Variants in LINGO2 observed in about 807,000 individuals in gnomAD.
The protein encoded by LINGO2 is leucine-rich repeat and immunoglobulin-like domain-containing nogo receptor-interacting protein 2.
In LINGO2, 14 loss-of-function variants were observed where a neutral mutation model predicts 30.6. The ratio of observed to expected loss-of-function variants is 0.46; its 90% CI spans 0.30 to 0.72. The LOEUF (loss-of-function observed/expected upper bound fraction) is 0.72, where lower values mean the gene tolerates loss of function less well. Among genes scored for constraint, LINGO2 ranks in the 30% least tolerant of loss-of-function variants. The pLI, the probability that LINGO2 is intolerant of heterozygous loss-of-function variation, is 0.07. For synonymous variants in LINGO2, 317 were observed against 288.5 expected (o/e 1.10, Z -1.00); for missense variants, 729 against 751.7 (o/e 0.97, Z 0.35).
chr9:28,713,433 T>C, the LINGO2 span, among the ~76,000 whole-genome samples: 1 of 152,224 alleles, frequency 6.6e-6, no homozygotes, highest in South Asian at 2.1e-4. Context: ...TCTCTTGCAG[T>C]TAGTTATGAT....
At chr9:29,188,980 C>T in the LINGO2 span, among the ~76,000 whole-genome samples, 1 of 144,684 alleles carries the variant, frequency 6.9e-6, no homozygotes, top group Non-Finnish European at 1.5e-5. Flanking sequence ...CACCTCCCTG[C>T]CGGATGGGGC....
chr9:28,139,451 C>A (rs1431670071), intron 4 of LINGO2, among the ~76,000 whole-genome samples: 1 of 152,094 alleles, frequency 6.6e-6, no homozygotes, highest in East Asian at 1.9e-4. Flanking sequence ...ATGACAACAG[C>A]CTGGTATATC....
At chr9:29,161,309 C>A in the LINGO2 span, among the ~76,000 whole-genome samples, 1 of 152,186 alleles carries the variant, frequency 6.6e-6, no homozygotes, top group African/African-American at 2.4e-5. Flanking sequence ...CTGCCCACAG[C>A]CCCTGGGTGT....
chr9:28,670,639 T>G (rs1828974079), upstream of LINGO2, among the ~76,000 whole-genome samples: 1 of 152,176 alleles, frequency 6.6e-6, no homozygotes, highest in African/African-American at 2.4e-5. Context: ...CTAGTCATGA[T>G]GCTAAGTTAT....
At chr9:28,754,218 C>T in the LINGO2 span, among the ~76,000 whole-genome samples, 1 of 151,988 alleles carries the variant, frequency 6.6e-6, no homozygotes, top group Non-Finnish European at 1.5e-5. Flanking sequence ...CCATTTAATT[C>T]TCACCTTCTT....
intron 3 of LINGO2, among the ~76,000 whole-genome samples, chr9:28,363,129 G>C (rs1379643449): frequency 6.6e-6 from 1 of 152,086 alleles, no homozygotes; most frequent in African/African-American, 2.4e-5. Context: ...CCATTTTGTG[G>C]ATAAGGAAAC....
chr9:28,614,236 T>G (rs999739719), intron 1 of LINGO2, among the ~76,000 whole-genome samples: 1 of 152,152 alleles, frequency 6.6e-6, no homozygotes, highest in African/African-American at 2.4e-5. Context: ...GCATCAATAA[T>G]GAAATCATTT....
chr9:28,468,494 T>C (rs1268214200), intron 2 of LINGO2, among the ~76,000 whole-genome samples: 1 of 151,966 alleles, frequency 6.6e-6, no homozygotes, highest in Non-Finnish European at 1.5e-5. Context: ...AAACTGAAGG[T>C]AAGAGATTAT....
the LINGO2 span, among the ~76,000 whole-genome samples, chr9:29,046,677 GAAAGAGC>G: frequency 1.3e-5 from 2 of 152,056 alleles, no homozygotes; most frequent in African/African-American, 4.8e-5. Context: ...CTGGACCCAG[GAAAGAGC>G]AAAGATTTCA....
At chr9:28,850,291 G>C in the LINGO2 span, among the ~76,000 whole-genome samples, 2 of 151,914 alleles carry the variant, frequency 1.3e-5, no homozygotes, top group Admixed American at 1.3e-4. Flanking sequence ...TTCTGTTCTG[G>C]CAATAATATA....
chr9:28,466,273 C>G (rs1825297138), intron 2 of LINGO2, among the ~76,000 whole-genome samples: 1 of 152,120 alleles, frequency 6.6e-6, no homozygotes, highest in African/African-American at 2.4e-5. Context: ...CAGTGAAGTA[C>G]TATTCAGCCA....
chr9:28,786,497 A>G, the LINGO2 span, among the ~76,000 whole-genome samples: 2 of 152,190 alleles, frequency 1.3e-5, no homozygotes, highest in African/African-American at 4.8e-5. Flanking sequence ...TTCCATGTAA[A>G]TATAAAGAAA....
chr9:28,096,683 GTCCTGGCCAGGCACAGATGAGTATA>G (rs71502439), intron 4 of LINGO2, among the ~76,000 whole-genome samples: 54,701 of 151,854 alleles, frequency 0.36, 10,621 homozygotes, highest in East Asian at 0.65. Flanking sequence ...ACTGGGCTAG[GTCCTGGCCAGGCACAGATGAGTATA>G]TCCTGAAGGA....
intron 4 of LINGO2, among the ~76,000 whole-genome samples, chr9:28,203,472 A>G (rs995783398): frequency 1.3e-5 from 2 of 152,164 alleles, no homozygotes; most frequent in African/African-American, 4.8e-5. Context: ...AGGAATAGGT[A>G]GTGAGGCAGG....
At chr9:29,174,293 G>T in the LINGO2 span, among the ~76,000 whole-genome samples, 1 of 152,070 alleles carries the variant, frequency 6.6e-6, no homozygotes, top group Non-Finnish European at 1.5e-5. Flanking sequence ...TACTCCCTAA[G>T]GCACAGATGA....
At chr9:28,777,127 A>G in the LINGO2 span, among the ~76,000 whole-genome samples, 1 of 151,988 alleles carries the variant, frequency 6.6e-6, no homozygotes, top group Non-Finnish European at 1.5e-5. Context: ...CCTCCCAATC[A>G]TGCTTCTCTA....
At chr9:28,509,506 T>C (rs762677693) in intron 1 of LINGO2, among the ~76,000 whole-genome samples, 1 of 152,194 alleles carries the variant, frequency 6.6e-6, no homozygotes, top group South Asian at 2.1e-4. Context: ...TGAGAAAACA[T>C]TGTTTTACAT....
intron 1 of LINGO2, among the ~76,000 whole-genome samples, chr9:28,523,377 A>T (rs1263336041): frequency 6.6e-6 from 1 of 152,180 alleles, no homozygotes; most frequent in Non-Finnish European, 1.5e-5. Flanking sequence ...ATGGTGAAAG[A>T]CTTAATATGA....
At chr9:28,039,189 A>C (rs1328004935) in intron 4 of LINGO2, among the ~76,000 whole-genome samples, 1 of 152,230 alleles carries the variant, frequency 6.6e-6, no homozygotes, top group Non-Finnish European at 1.5e-5. Flanking sequence ...GGGCATCTAC[A>C]AACTGAACAT....
Sources: allele counts gnomAD v4.1 joint callset (sites outside exome capture counted in the v4.1 genomes callset), GRCh38; gene constraint gnomAD v4.1.1; transcripts MANE v1.5; gene names NCBI Gene and HGNC (gene_info 2026-07-23, HGNC 2026-07-21).